Variants in SUSD3 observed in about 807,000 individuals in gnomAD.
SUSD3 encodes the protein sushi domain-containing protein 3.
In SUSD3, 18 loss-of-function variants were observed where a neutral mutation model predicts 20.6. The ratio of observed to expected loss-of-function variants is 0.87; its 90% CI spans 0.60 to 1.30. The LOEUF (loss-of-function observed/expected upper bound fraction) is 1.30. Ranked by LOEUF, SUSD3 falls within the 50% of genes most tolerant of loss-of-function variation. The pLI is 0.00. For missense variants in SUSD3, 306 were observed against 346.9 expected (o/e 0.88, Z 0.94); for synonymous variants, 137 against 141.5 (o/e 0.97, Z 0.23).
chr9:93,073,007 G>A (rs1049043633), intron 1 of SUSD3, among the ~76,000 whole-genome samples: 1 of 152,140 alleles, frequency 6.6e-6, no homozygotes, highest in Non-Finnish European at 1.5e-5. Context: ...GGCTGGAGAT[G>A]TAGCACACAG....
In SUSD3 at chr9:93,074,431, C is replaced by CAA. The variant is rs56872294; in HGVS notation, c.89-1327_89-1326dup. Among the ~76,000 whole-genome samples the CAA allele has an allele frequency of 3.4e-3, 132 of 38,858 alleles. 10 individuals carry two copies. Among genetic ancestry groups the CAA allele is most frequent in the African/African-American group, 8.9e-3 (103 of 11,632 alleles). The allele number at this position is 38,858 out of a possible 152,430, so 25.5% of individuals were successfully genotyped here. A position where few individuals can be genotyped will look rare whatever the true frequency, so the allele number is the denominator to read the frequency against. The stretch of plus-strand genomic sequence containing the variant: ...TGGGCGACAGGGCAAGACTCTGACT[C>CAA]AAAAAAAAAAAAAAAAAAAAAAAAA... On this transcript the variant is annotated intron_variant, in intron 1 of 4. Transcript: ENST00000375472.
chr9:93,068,582 C>A (rs560578206), intron 1 of SUSD3, among the ~76,000 whole-genome samples: 2 of 152,290 alleles, frequency 1.3e-5, no homozygotes, highest in African/African-American at 4.8e-5. Flanking sequence ...CTTTGTAATA[C>A]ATTTTGAAAT....
At chr9:93,066,848 C>T (rs1825735779) in intron 1 of SUSD3, among the ~76,000 whole-genome samples, 1 of 152,054 alleles carries the variant, frequency 6.6e-6, no homozygotes. Context: ...AGCTGGATTA[C>T]AGGCGTGCAC....
intron 1 of SUSD3, among the ~76,000 whole-genome samples, chr9:93,062,931 C>T (rs529587827): frequency 1.3e-5 from 2 of 152,080 alleles, no homozygotes; most frequent in Non-Finnish European, 2.9e-5. Context: ...GTGAATCCTA[C>T]GGAATCCTGG....
At chr9:93,082,310 CTTTTTTTTTTT>C (rs561486543) in intron 4 of SUSD3, among the ~76,000 whole-genome samples, 1 of 87,240 alleles carries the variant, frequency 1.1e-5, no homozygotes, top group African/African-American at 5.7e-5. Flanking sequence ...GGCCTCTTTC[CTTTTTTTTTTT>C]TTTTTTTTTT....
At chr9:93,079,633 G>T in intron 4 of SUSD3, 31 bp downstream of exon 4, 1 of 1,609,628 alleles carries the variant, frequency 6.2e-7, no homozygotes. Context: ...GGGACATGCT[G>T]GGGGACAAGG....
chr9:93,058,956 A>T (rs545172462), intron 1 of SUSD3, 126 bp downstream of exon 1: 2 of 512,026 alleles, frequency 3.9e-6, no homozygotes. Flanking sequence ...ATCTGCCCCG[A>T]GGACGAACCT....
In SUSD3 at chr9:93,078,838, C is replaced by T. The variant is rs989773055; in HGVS notation, c.426-633C>T. 4.6e-5 allele frequency among the ~76,000 whole-genome samples: 7 copies of T among 151,038 alleles called. No homozygotes were observed. The East Asian group carries it at 7.8e-4, about 17-fold the overall frequency. On this transcript the variant is annotated intron_variant, in intron 3 of 4. Transcript: ENST00000375472. Reference sequence around the variant, plus strand: ...TTTTTGAGACGGAGTCTCACTCTGTCGCCCAGGCTGGAGTGCAGTGGCTCC... The same window carrying T: ...TTTTTGAGACGGAGTCTCACTCTGTTGCCCAGGCTGGAGTGCAGTGGCTCC...
intron 4 of SUSD3, among the ~76,000 whole-genome samples, chr9:93,080,341 C>CA (rs1401786407): frequency 5.8e-5 from 5 of 86,740 alleles, no homozygotes; most frequent in African/African-American, 3.2e-4. Context: ...AAAAAAAAAA[C>CA]AAAACTAACA....
chr9:93,083,359 G>A (rs1020082997), intron 4 of SUSD3, among the ~76,000 whole-genome samples: 6 of 152,186 alleles, frequency 3.9e-5, no homozygotes, highest in Admixed American at 1.3e-4. Context: ...CCTGGGCCCC[G>A]GGCTCCCAGG....
chr9:93,059,127 C>A (rs1483059682), intron 1 of SUSD3, among the ~76,000 whole-genome samples: 1 of 152,168 alleles, frequency 6.6e-6, no homozygotes, highest in Non-Finnish European at 1.5e-5. Context: ...CCGGCCAAGC[C>A]TCTCCACGCC....
intron 4 of SUSD3, among the ~76,000 whole-genome samples, chr9:93,080,940 T>C (rs1826390114): frequency 6.6e-6 from 1 of 152,248 alleles, no homozygotes; most frequent in South Asian, 2.1e-4. Flanking sequence ...CTGAAACTTT[T>C]ATTTTGGGAA....
chr9:93,075,774 G>C lies in SUSD3; in HGVS notation c.89-10G>C, dbSNP rs1826128974. On this transcript the variant is annotated splice_polypyrimidine_tract_variant and intron_variant, in intron 1 of 4. Coordinates refer to ENST00000375472, the MANE Select transcript of SUSD3 (RefSeq NM_145006.4). ...CCCCCGCCATGCCTCATACCTGCCTGTCTCCCCAGGCACGTGCGCTAAGCT... is the reference window on the plus strand; with the variant it reads ...CCCCCGCCATGCCTCATACCTGCCTCTCTCCCCAGGCACGTGCGCTAAGCT... 2 of 1,202,790 alleles carry C rather than the reference G, an allele frequency of 1.7e-6. No individual in the cohort carries two copies. The highest frequency in any genetic ancestry group is 1.4e-5 in the South Asian group (1 of 69,704). 74.5% of individuals were successfully genotyped at this position (1,202,790 alleles called of 1,614,324 possible). A position where few individuals can be genotyped will look rare whatever the true frequency, so the allele number is the denominator to read the frequency against.
In SUSD3 at chr9:93,073,896, G is replaced by A. The variant is rs61211187; in HGVS notation, c.89-1888G>A. Among the ~76,000 whole-genome samples, 1,168 of 152,330 alleles carry A rather than the reference G, an allele frequency of 7.7e-3. 18 individuals are homozygous for A. The highest frequency in any genetic ancestry group is 0.026 in the African/African-American group (1,099 of 41,556). On this transcript the variant is annotated intron_variant, in intron 1 of 4. Transcript: ENST00000375472. Reference sequence around the variant, plus strand: ...GACCAGAGCCTCCTTGTCTGGTTCTGAGTCTTCCCTGCAGCATAAGAGCCG... The same window carrying A: ...GACCAGAGCCTCCTTGTCTGGTTCTAAGTCTTCCCTGCAGCATAAGAGCCG...
intron 4 of SUSD3, among the ~76,000 whole-genome samples, chr9:93,080,375 G>C: frequency 6.6e-6 from 1 of 151,392 alleles, no homozygotes; most frequent in South Asian, 2.1e-4. Flanking sequence ...GATTGCACGT[G>C]GCCTGTTGAG....
At chr9:93,082,518 T>C (rs1355955844) in intron 4 of SUSD3, among the ~76,000 whole-genome samples, 2 of 152,010 alleles carry the variant, frequency 1.3e-5, no homozygotes, top group South Asian at 2.1e-4. Context: ...AGGGTTTCAC[T>C]GTGTTAGCCA....
rs1487766008 is a variant in SUSD3 at position 93,077,843 on chromosome 9, C to T, written c.278-3C>T. 11 of 1,614,160 alleles carry T rather than the reference C, an allele frequency of 6.8e-6. No individual in the cohort carries two copies. Among genetic ancestry groups the T allele is most frequent in the African/African-American group, 1.3e-5 (1 of 75,060 alleles). On this transcript the variant is annotated splice_region_variant and splice_polypyrimidine_tract_variant and intron_variant, in intron 2 of 4. Transcript: ENST00000375472. ...CAGGAGCTGGTGGTTGTCTCCCACA[C>T]AGTGGTGCCACCACACGAGACCTTT...
rs1826136933 is a variant in SUSD3, at chr9:93,075,894, A to C, written c.199A>C (p.Met67Leu). The C allele has an allele frequency of 6.2e-7, 1 of 1,613,550 alleles. No homozygotes were observed. The highest frequency in any genetic ancestry group is 2.2e-5 in the East Asian group (1 of 44,868). ...LMFRCPSNHQ[M>L]VGSGLLTCTW... Reference sequence around the variant, plus strand: ...GTTCCGCTGCCCCTCCAACCACCAGATGGTGGGGTCTGGGCTCCTCACCTG... The same window carrying C: ...GTTCCGCTGCCCCTCCAACCACCAGCTGGTGGGGTCTGGGCTCCTCACCTG... Residue 67 changes from methionine to leucine, a missense_variant, in exon 2 of 5, where the codon ATG becomes CTG. Transcript: ENST00000375472.
chr9:93,062,734 G>A (rs531762337), intron 1 of SUSD3, among the ~76,000 whole-genome samples: 98 of 152,224 alleles, frequency 6.4e-4, no homozygotes, highest in Non-Finnish European at 1.2e-3. Context: ...CTGGGAGTCC[G>A]GGAGTCTCTG....
Sources: gnomAD v4.1 joint callset for allele counts (sites outside exome capture counted in the v4.1 genomes callset) on GRCh38, gnomAD v4.1.1 for gene constraint, MANE v1.5 for transcripts, NCBI Gene and HGNC (gene_info 2026-07-23, HGNC 2026-07-21) for gene names.